The following LAMA4 variants were observed in gnomAD, a reference collection of about 807,000 sequenced individuals.
LAMA4 encodes laminin subunit alpha 4.
A neutral mutation model predicts 207.1 loss-of-function variants in LAMA4; 127 were observed. The observed-to-expected ratio is 0.61, with a 90% CI of 0.53 to 0.71. The LOEUF is 0.71. Ranked by LOEUF, LAMA4 falls within the 30% of genes least tolerant of loss-of-function variation. The pLI, the probability that LAMA4 is intolerant of heterozygous loss-of-function variation, is 0.00. For missense variants in LAMA4, 2,093 were observed against 2,246.5 expected (o/e 0.93, Z 1.38); for synonymous variants, 761 against 816.0 (o/e 0.93, Z 1.15).
At chr6:112,241,152 T>TATATATATTTATATATATATTC (rs1554187615) in intron 2 of LAMA4, among the ~76,000 whole-genome samples, 5 of 98,486 alleles carry the variant, frequency 5.1e-5, no homozygotes, top group African/African-American at 9.5e-5. Context: ...TATATATGAA[T>TATATATATTTATATATATATTC]ATATATATGA....
At chr6:112,215,296 T>C (rs1784565797) in intron 3 of LAMA4, among the ~76,000 whole-genome samples, 1 of 152,172 alleles carries the variant, frequency 6.6e-6, no homozygotes, top group Non-Finnish European at 1.5e-5. Context: ...ACATTAGTAT[T>C]TTGTCACTTA....
chr6:112,219,830 G>A lies in LAMA4; in HGVS notation c.196-3361C>T, dbSNP rs191090904. On this transcript the variant is annotated intron_variant, in intron 2 of 38. Coordinates refer to ENST00000230538, the MANE Select transcript of LAMA4 (RefSeq NM_001105206.3). ...TCCCTTGTCTTTGTTTTACTGGTGA[G>A]GACTTTGTGACTTACAGAGATGTAT... Among the ~76,000 whole-genome samples the A allele has an allele frequency of 3.7e-4, 57 of 152,216 alleles. 1 individual carries two copies. Among genetic ancestry groups the A allele is most frequent in the Admixed American group, 1.8e-3 (27 of 15,284 alleles).
At chr6:112,116,051 G>C in intron 35 of LAMA4, 58 bp from the exon 36 acceptor site, 1 of 1,487,376 alleles carries the variant, frequency 6.7e-7, no homozygotes, top group Non-Finnish European at 9.3e-7. Context: ...TGTAACTATG[G>C]TGTGATTTTG....
At position 112,201,591 on chromosome 6, in the gene LAMA4, G is replaced by A. The variant is rs781819097; in HGVS notation, c.503+17C>T. ...TCCTTTGACCCACACAGAAAATAGA[G>A]AATTTTATTGGCTTACCTTTCACAG... On this transcript the variant is annotated intron_variant, in intron 5 of 38. Transcript: ENST00000230538. 3.1e-6 allele frequency: 5 copies of A among 1,604,888 alleles called. No individual in the cohort carries two copies. Among genetic ancestry groups the A allele is most frequent in the Non-Finnish European group, 4.3e-6 (5 of 1,171,626 alleles).
At chr6:112,198,997 A>G (rs1783579174) in intron 5 of LAMA4, among the ~76,000 whole-genome samples, 1 of 152,096 alleles carries the variant, frequency 6.6e-6, no homozygotes, top group South Asian at 2.1e-4. Flanking sequence ...TGAGATTCAC[A>G]CTCACCCAGG....
At chr6:112,182,682 C>T (rs1782439050) in intron 9 of LAMA4, among the ~76,000 whole-genome samples, 1 of 152,200 alleles carries the variant, frequency 6.6e-6, no homozygotes, top group Admixed American at 6.5e-5. Context: ...CCCTTGGAGA[C>T]TGTGCTTTGT....
chr6:112,137,558 G>A (rs1307612387), intron 24 of LAMA4, among the ~76,000 whole-genome samples: 3 of 152,230 alleles, frequency 2.0e-5, no homozygotes, highest in African/African-American at 7.2e-5. Flanking sequence ...TTCCACACTT[G>A]AAGAGTTGAA....
intron 2 of LAMA4, among the ~76,000 whole-genome samples, chr6:112,242,387 T>C (rs970055225): frequency 3.3e-5 from 5 of 152,168 alleles, no homozygotes; most frequent in Admixed American, 2.6e-4. Flanking sequence ...ATAATTTATG[T>C]TTTTTGGGTC....
chr6:112,186,839 G>A (rs988983961), intron 8 of LAMA4: 1 of 455,146 alleles, frequency 2.2e-6, no homozygotes, highest in Non-Finnish European at 4.4e-6. Context: ...AGGGCCAACT[G>A]TATTACTGTT....
chr6:112,147,918 ACT>A lies in LAMA4; in HGVS notation c.2353+237_2353+238del, dbSNP rs139585723. ...ATAATTTCACATAGAAAAAATTATG[ACT>A]CTTTACCAATCCATCTAGTGTTCAT... On this transcript the variant is annotated intron_variant, in intron 18 of 38. Transcript: ENST00000230538. Among the ~76,000 whole-genome samples the A allele has an allele frequency of 3.2e-3, 494 of 152,228 alleles. 5 individuals are homozygous for A. The highest frequency in any genetic ancestry group is 0.011 in the African/African-American group (473 of 41,534).
Position 112,142,238 on chromosome 6 carries a change from T to C in LAMA4, c.2548A>G (p.Thr850Ala). The change falls in exon 20 of 39, where the codon ACC becomes GCC. Residue 850 changes from threonine (T) to alanine (A), a missense_variant. Physicochemically the swap from Thr to Ala is moderately conservative, Grantham distance 58. Coordinates refer to ENST00000230538, the MANE Select transcript of LAMA4 (RefSeq NM_001105206.3). ...GQSAVEVHSRTSMDDLKAFTS... is the reference protein window; with the variant it reads ...GQSAVEVHSRASMDDLKAFTS... ...AAGGCCTTTAAGTCATCCATACTGG[T>C]TCTCGAGTGCACTTCCACAGCTGAC... 6.2e-7 allele frequency: 1 copy of C among 1,614,114 alleles called. No homozygotes were observed.
chr6:112,118,303 T>C lies in LAMA4; in HGVS notation c.4822-405A>G, dbSNP rs1475917436. ...TAGCCAAATAAACAGCAGAAAGCTT[T>C]CATTTCTGGTTTCATGAGCTGTTTT... On this transcript the variant is annotated intron_variant, in intron 34 of 38. Transcript: ENST00000230538. The surrounding 1 kb of genome is among the most constrained non-coding windows in gnomAD (Gnocchi z 4.6). 1.3e-5 allele frequency among the ~76,000 whole-genome samples: 2 copies of C among 152,216 alleles called. No individual in the cohort carries two copies. The highest frequency in any genetic ancestry group is 2.9e-5 in the Non-Finnish European group (2 of 68,024).
intron 2 of LAMA4, among the ~76,000 whole-genome samples, chr6:112,241,531 C>T (rs1786515250): frequency 6.6e-6 from 1 of 152,028 alleles, no homozygotes; most frequent in Admixed American, 6.6e-5. Context: ...GTCAGATTTC[C>T]TAGCTATGAC....
chr6:112,138,240 A>G (rs1779472843), intron 24 of LAMA4, among the ~76,000 whole-genome samples: 1 of 152,206 alleles, frequency 6.6e-6, no homozygotes, highest in Admixed American at 6.5e-5. Flanking sequence ...AAATACACCA[A>G]TCAAATCTCA....
rs201232520 is a variant in LAMA4 at position 112,189,132 on chromosome 6, T to C, written c.792A>G (p.Thr264=). The C allele has an allele frequency of 1.2e-6, 2 of 1,613,764 alleles. No homozygotes were observed. Among genetic ancestry groups the C allele is most frequent in the Non-Finnish European group, 1.7e-6 (2 of 1,179,690 alleles). The part of the protein sequence containing the change: ...ECLEEGFEPP[T]GMDCPTISCD... ...TACTTATGGTTGGGCAGTCCATGCC[T>C]GTAGGGGGTTCAAAACCTTCTTCCA... Residue 264 remains threonine (T), a synonymous_variant, in exon 7 of 39, where the codon ACA becomes ACG. Coordinates refer to ENST00000230538, the MANE Select transcript of LAMA4 (RefSeq NM_001105206.3).
Position 112,201,675 on chromosome 6 carries a change from A to G in LAMA4, c.436T>C (p.Cys146Arg). 6.2e-7 allele frequency: 1 copy of G among 1,613,882 alleles called. No individual in the cohort carries two copies. The highest frequency in any genetic ancestry group is 1.1e-5 in the South Asian group (1 of 91,082). The change falls in exon 5 of 39, where the codon TGC becomes CGC. Residue 146 changes from cysteine (C) to arginine (R), a missense_variant. Physicochemically the swap from Cys to Arg is radical, Grantham distance 180 (BLOSUM62 -3). This residue lies in a region of LAMA4 where 1,704 missense variants were observed against 1,788.4 expected (regional missense o/e 0.95). Transcript: ENST00000230538. ...LPHLANFAESCYRKNGAVRCI... is the reference protein window; with the variant it reads ...LPHLANFAESRYRKNGAVRCI... ...CGAACAGCTCCATTTTTCCTATAGC[A>G]GGATTCTGCAAAACTAAAATTGGAA...
intron 2 of LAMA4, among the ~76,000 whole-genome samples, chr6:112,239,835 G>C (rs1185067849): frequency 6.6e-6 from 1 of 152,070 alleles, no homozygotes; most frequent in African/African-American, 2.4e-5. Context: ...AGGCCGAGGC[G>C]GGCGGATCAC....
intron 23 of LAMA4, 128 bp downstream of exon 23, chr6:112,139,624 G>T: frequency 9.0e-7 from 1 of 1,106,450 alleles, no homozygotes; most frequent in Non-Finnish European, 1.4e-6. Flanking sequence ...TTGCAGGTAT[G>T]ACTTATGTAG....
At chr6:112,109,719 T>C (rs1777592518) in intron 38 of LAMA4, 137 bp from the exon 39 acceptor site, 3 of 899,768 alleles carry the variant, frequency 3.3e-6, no homozygotes, top group East Asian at 5.3e-5. Context: ...ATAGTTATAA[T>C]TGACTCATTT....
Sources: gnomAD v4.1 joint callset for allele counts (sites outside exome capture counted in the v4.1 genomes callset) on GRCh38, gnomAD v4.1.1 for gene constraint, gnomAD v4.1.1 regional missense constraint, Gnocchi (gnomAD v3.1) non-coding constraint, MANE v1.5 for transcripts, NCBI Gene and HGNC (gene_info 2026-07-23, HGNC 2026-07-21) for gene names.